The following EFCAB8 variants were observed in gnomAD, a reference collection of about 807,000 sequenced individuals.
EFCAB8 encodes the protein EF-hand calcium binding domain 8.
In EFCAB8, 100 loss-of-function variants were observed where a neutral mutation model predicts 116.3. That is an observed-to-expected ratio of 0.86 (90% CI 0.73 to 1.02). EFCAB8 has a LOEUF of 1.02. EFCAB8 is among the 50% of genes least tolerant of loss of function. EFCAB8 has a pLI of 0.00. For missense variants in EFCAB8, 1,320 were observed against 1,416.9 expected, an observed-to-expected ratio of 0.93 and a Z score of 1.10; for synonymous variants, 558 against 567.9, an observed-to-expected ratio of 0.98 and a Z score of 0.25.
intron 9 of EFCAB8, among the ~76,000 whole-genome samples, chr20:32,896,228 A>G (rs1256350482): frequency 6.6e-6 from 1 of 152,152 alleles, no homozygotes; most frequent in East Asian, 1.9e-4. Context: ...ATGCACTGGC[A>G]GGGGCACTCT....
At chr20:32,889,070 A>G (rs933859536) in intron 6 of EFCAB8, among the ~76,000 whole-genome samples, 1 of 152,138 alleles carries the variant, frequency 6.6e-6, no homozygotes, top group African/African-American at 2.4e-5. Flanking sequence ...TGCTCCAGAA[A>G]GGGGTTTTAA....
At chr20:32,912,231 G>A (rs1986961631) in intron 16 of EFCAB8, among the ~76,000 whole-genome samples, 1 of 152,080 alleles carries the variant, frequency 6.6e-6, no homozygotes, top group Non-Finnish European at 1.5e-5. Context: ...GAGGCCAGGA[G>A]TTCGAGACCA....
chr20:32,860,493 CTTTTTTTTTTTTTTTT>C (rs71190881), intron 1 of EFCAB8, among the ~76,000 whole-genome samples: 18 of 83,992 alleles, frequency 2.1e-4, no homozygotes, highest in African/African-American at 1.0e-3. Flanking sequence ...ATGGTGGTAA[CTTTTTTTTTTTTTTTT>C]TTTTTTTTTT....
chr20:32,871,037 G>C (rs1286554400), intron 3 of EFCAB8, among the ~76,000 whole-genome samples: 2 of 151,788 alleles, frequency 1.3e-5, no homozygotes, highest in Non-Finnish European at 2.9e-5. Flanking sequence ...ATTTTCAGTA[G>C]AGACAGGGTT....
At position 32,961,617 on chromosome 20, in the gene EFCAB8, C is replaced by T. The variant is rs1600477753; in HGVS notation, c.*8C>T. On this transcript the variant is annotated 3_prime_UTR_variant, in exon 27 of 27. Transcript: ENST00000400522. ...TCCCATGTCAGGTTCTGAGGTGCTCCGCTGTCTTCTCTAGTCCTCCAGCAG... is the reference window on the plus strand; with the variant it reads ...TCCCATGTCAGGTTCTGAGGTGCTCTGCTGTCTTCTCTAGTCCTCCAGCAG... The T allele has an allele frequency of 8.4e-6, 11 of 1,306,142 alleles. No individual in the cohort carries two copies. Among genetic ancestry groups the T allele is most frequent in the South Asian group, 3.0e-5 (1 of 33,642 alleles). The allele number at this position is 1,306,142 out of a possible 1,614,324, so 80.9% of individuals were successfully genotyped here. A position where few individuals can be genotyped will look rare whatever the true frequency, so the allele number is the denominator to read the frequency against.
intron 2 of EFCAB8, 27 bp from the exon 3 acceptor site, chr20:32,867,555 C>T (rs1477456892): frequency 6.5e-7 from 1 of 1,548,812 alleles, no homozygotes; most frequent in Admixed American, 2.0e-5. Flanking sequence ...AACGCTCAGT[C>T]CCTGGTTCTT....
chr20:32,888,454 C>G (rs1985745060), intron 6 of EFCAB8, among the ~76,000 whole-genome samples: 1 of 152,024 alleles, frequency 6.6e-6, no homozygotes, highest in Non-Finnish European at 1.5e-5. Context: ...GAACTCCTGA[C>G]CTAGTGATCT....
At chr20:32,885,699 C>A in intron 6 of EFCAB8, 59 bp downstream of exon 6, 1 of 1,535,816 alleles carries the variant, frequency 6.5e-7, no homozygotes. Context: ...TCTGCCTTAG[C>A]ACCCCCATGG....
At chr20:32,927,072 G>A (rs957051824) in intron 20 of EFCAB8, among the ~76,000 whole-genome samples, 1 of 151,886 alleles carries the variant, frequency 6.6e-6, no homozygotes, top group Non-Finnish European at 1.5e-5. Context: ...AGGTTTTTTG[G>A]AGCCTAAAAC....
chr20:32,859,629 A>G (rs543885201), intron 1 of EFCAB8, among the ~76,000 whole-genome samples: 43 of 152,360 alleles, frequency 2.8e-4, no homozygotes, highest in African/African-American at 9.9e-4. Flanking sequence ...GACTACTACA[A>G]AGAACTTCCC....
At chr20:32,923,631 T>C (rs1288760438) in intron 20 of EFCAB8, among the ~76,000 whole-genome samples, 1 of 152,240 alleles carries the variant, frequency 6.6e-6, no homozygotes, top group African/African-American at 2.4e-5. Context: ...TTTTTGTGCA[T>C]ATACAAGTAC....
Position 32,960,056 on chromosome 20 carries a change from C to T in EFCAB8, c.3295-7C>T. ...GCAGCCTTCATTCTTGGGCGTGGCT[C>T]CTGCAGGTGAGCAAAGTCTTGGGAG... On this transcript the variant is annotated splice_polypyrimidine_tract_variant and splice_region_variant and intron_variant, in intron 25 of 26. Coordinates refer to ENST00000400522, the MANE Select transcript of EFCAB8 (RefSeq NM_001143967.2). The T allele has an allele frequency of 6.4e-7, 1 of 1,551,666 alleles. No homozygotes were observed. The highest frequency in any genetic ancestry group is 8.7e-7 in the Non-Finnish European group (1 of 1,146,974).
intron 4 of EFCAB8, among the ~76,000 whole-genome samples, chr20:32,877,124 C>T (rs1214175628): frequency 1.3e-5 from 2 of 151,972 alleles, no homozygotes; most frequent in Non-Finnish European, 2.9e-5. Context: ...CCTGCGTTAA[C>T]TGCCGTCTCA....
chr20:32,862,359 T>C lies in EFCAB8; in HGVS notation c.-10-1424T>C, dbSNP rs528369307. Among the ~76,000 whole-genome samples, 7 of 152,158 alleles carry C rather than the reference T, an allele frequency of 4.6e-5. No homozygotes were observed. The South Asian group carries it at 1.5e-3, about 32-fold the overall frequency. On this transcript the variant is annotated intron_variant, in intron 1 of 26. Coordinates refer to ENST00000400522, the MANE Select transcript of EFCAB8 (RefSeq NM_001143967.2). ...CCCAGGCTGGTCTCAAACTCCTGGA[T>C]GCAAGCGATCCTCCCGCCTCGGCCT...
At chr20:32,897,662 C>G (rs1986228160) in intron 10 of EFCAB8, among the ~76,000 whole-genome samples, 2 of 152,084 alleles carry the variant, frequency 1.3e-5, no homozygotes, top group Admixed American at 6.6e-5. Flanking sequence ...GTCTACCTAC[C>G]TTGGCCTCCC....
intron 3 of EFCAB8, among the ~76,000 whole-genome samples, chr20:32,869,377 T>G (rs1029714390): frequency 6.6e-6 from 1 of 152,028 alleles, no homozygotes; most frequent in African/African-American, 2.4e-5. Flanking sequence ...CTGGGATTAC[T>G]GGTATGTGCC....
intron 20 of EFCAB8, among the ~76,000 whole-genome samples, chr20:32,923,327 A>T (rs1330342320): frequency 1.3e-5 from 2 of 152,170 alleles, no homozygotes; most frequent in Non-Finnish European, 2.9e-5. Context: ...CTCTACTAAA[A>T]TACAAAAAAT....
At chr20:32,889,232 G>A (rs1228559787) in intron 6 of EFCAB8, 69 bp from the exon 7 acceptor site, 10 of 1,379,382 alleles carry the variant, frequency 7.2e-6, no homozygotes, top group Non-Finnish European at 1.0e-5. Flanking sequence ...TGGCAGGAGA[G>A]GTTCATGGGG....
chr20:32,892,829 CTCTT>C (rs1985980432), intron 8 of EFCAB8, among the ~76,000 whole-genome samples: 1 of 148,194 alleles, frequency 6.7e-6, no homozygotes. Context: ...GCTCCACAGC[CTCTT>C]TTTTTTTTTT....
Sources: allele counts gnomAD v4.1 joint callset (sites outside exome capture counted in the v4.1 genomes callset), GRCh38; gene constraint gnomAD v4.1.1; transcripts MANE v1.5; gene names NCBI Gene and HGNC (gene_info 2026-07-23, HGNC 2026-07-21).